Variants in AGAP4 observed in about 807,000 individuals in gnomAD.
The protein encoded by AGAP4 is ArfGAP with GTPase domain, ankyrin repeat and PH domain 4.
A neutral mutation model predicts 60.7 loss-of-function variants in AGAP4; 13 were observed. The observed-to-expected ratio is 0.21, with a 90% CI of 0.14 to 0.34. AGAP4 has a LOEUF of 0.34. AGAP4 is among the 10% of genes least tolerant of loss of function. The probability of loss-of-function intolerance (pLI) is 1.00; values close to 1 mark genes in which losing one functional copy is unlikely to be tolerated. For synonymous variants in AGAP4, 70 were observed against 339.0 expected, an observed-to-expected ratio of 0.21 and a Z score of 8.72; for missense variants, 169 against 884.0, an observed-to-expected ratio of 0.19 and a Z score of 10.26.
Position 45,839,354 on chromosome 10 carries a change from G to T in AGAP4, c.396+2299C>A, listed in dbSNP as rs1667887. On this transcript the variant is annotated intron_variant, in intron 4 of 7. Coordinates refer to ENST00000616763, the MANE Select transcript of AGAP4 (RefSeq NM_001276343.3). Reference sequence around the variant, plus strand: ...TGAAAAAAAAAAAAAAGCCAGCAAGGTCAGTTGCAAATCTCTAACTAGAGC... The same window carrying T: ...TGAAAAAAAAAAAAAAGCCAGCAAGTTCAGTTGCAAATCTCTAACTAGAGC... Among the ~76,000 whole-genome samples, 30 of 119,974 alleles carry T rather than the reference G, an allele frequency of 2.5e-4. 2 individuals are homozygous for T. In the East Asian group the frequency reaches 4.5e-3, roughly 18 times the overall value. The allele number at this position is 119,974 out of a possible 152,430, so 78.7% of individuals were successfully genotyped here. A position where few individuals can be genotyped will look rare whatever the true frequency, so the allele number is the denominator to read the frequency against.
intron 4 of AGAP4, chr10:45,841,425 A>C (rs1269156650): frequency 3.7e-5 from 16 of 433,280 alleles, no homozygotes; most frequent in Non-Finnish European, 5.5e-5. Context: ...TTTGAACCGG[A>C]CTATTGAAAT....
At chr10:45,829,630 T>C (rs1403927768) in intron 6 of AGAP4, among the ~76,000 whole-genome samples, 317 of 148,078 alleles carry the variant, frequency 2.1e-3, no homozygotes, top group South Asian at 5.5e-3. Context: ...GGTGAGAGGA[T>C]TGCTTGAGCT....
upstream of AGAP4, chr10:45,854,115 T>C: frequency 3.9e-6 from 1 of 256,792 alleles, no homozygotes; most frequent in Non-Finnish European, 7.0e-6. Context: ...GCAAAAATTC[T>C]GTCTTGATTA....
chr10:45,847,303 G>C lies in AGAP4; in HGVS notation c.45C>G (p.Leu15=), dbSNP rs1393979846. 22 of 1,596,968 alleles carry C rather than the reference G, an allele frequency of 1.4e-5. No homozygotes were observed. In the African/African-American group the frequency reaches 1.5e-4, roughly 11 times the overall value. Residue 15 remains leucine (L), a synonymous_variant, in exon 1 of 8, where the codon CTC becomes CTG. Transcript: ENST00000616763. The part of the protein sequence containing the change: ...LTCRVHPSVS[L]EFDQQQGSVC... ...CCGACCCCTGCTGCTGGTCAAACTCGAGGCTGACGCTAGGGTGCACACGAC... is the reference window on the plus strand; with the variant it reads ...CCGACCCCTGCTGCTGGTCAAACTCCAGGCTGACGCTAGGGTGCACACGAC...
At chr10:45,834,422 T>G (rs1242511898) in intron 4 of AGAP4, among the ~76,000 whole-genome samples, 1 of 141,838 alleles carries the variant, frequency 7.1e-6, no homozygotes, top group East Asian at 2.0e-4. Context: ...ACACCTGTAA[T>G]CCTAGCACTT....
upstream of AGAP4, among the ~76,000 whole-genome samples, chr10:45,849,227 A>AAAAAC (rs1300657067): frequency 5.9e-5 from 9 of 151,308 alleles, no homozygotes; most frequent in East Asian, 3.9e-4. Context: ...CTCCATCCCA[A>AAAAAC]AAAACAAAAC....
upstream of AGAP4, among the ~76,000 whole-genome samples, chr10:45,849,650 T>C (rs2059058246): frequency 1.3e-5 from 2 of 151,538 alleles, no homozygotes; most frequent in South Asian, 4.2e-4. Flanking sequence ...ACTATTTTTT[T>C]TTTTTTTGAG....
At chr10:45,852,626 T>C (rs1168347635) in intron 1 of AGAP4, among the ~76,000 whole-genome samples, 37 of 151,606 alleles carry the variant, frequency 2.4e-4, no homozygotes, top group African/African-American at 5.6e-4. Context: ...GGAGGGATGA[T>C]TCATATTTAA....
chr10:45,847,273 A>T lies in AGAP4; in HGVS notation c.75T>A (p.Cys25Ter), dbSNP rs2059015214. The T allele has an allele frequency of 6.3e-7, 1 of 1,597,778 alleles. No individual in the cohort carries two copies. The highest frequency in any genetic ancestry group is 1.3e-5 in the African/African-American group (1 of 74,762). ...LEFDQQQGSV[C>*]PSESEIYEAG... ...CCTCATAGATCTCAGATTCAGAGGG[A>T]CACACCGACCCCTGCTGCTGGTCAA... The change falls in exon 1 of 8, where the codon TGT (cysteine) becomes TGA (stop). Residue 25 changes from cysteine (C) to a stop codon, truncating the protein, a stop_gained. Transcript: ENST00000616763. LOFTEE classifies it high-confidence loss of function.
upstream of AGAP4, chr10:45,848,722 A>G (rs1372972639): frequency 6.6e-6 from 1 of 152,652 alleles, no homozygotes; most frequent in Non-Finnish European, 1.5e-5. Context: ...GATATAAAGA[A>G]ATACCTCAGG....
intron 6 of AGAP4, among the ~76,000 whole-genome samples, chr10:45,828,475 T>C (rs1398024909): frequency 6.7e-6 from 1 of 148,464 alleles, no homozygotes; most frequent in Non-Finnish European, 1.5e-5. Flanking sequence ...TAGTTCTCTG[T>C]AGTATACTCT....
At chr10:45,839,962 A>T (rs1268132824) in intron 4 of AGAP4, among the ~76,000 whole-genome samples, 2 of 150,642 alleles carry the variant, frequency 1.3e-5, no homozygotes, top group East Asian at 3.9e-4. Flanking sequence ...GGGAAAAATT[A>T]AAAATCAATG....
chr10:45,841,811 T>C lies in AGAP4; in HGVS notation c.362-124A>G, dbSNP rs2135954990. On this transcript the variant is annotated intron_variant, in intron 3 of 7. Coordinates refer to ENST00000616763, the MANE Select transcript of AGAP4 (RefSeq NM_001276343.3). ...ACAAAATTCCATTAAAAAAAAAATT[T>C]TCAATAACATATAATTTAAATTATC... is the stretch of plus-strand genomic sequence containing the variant. 1.2e-5 allele frequency: 14 copies of C among 1,132,000 alleles called. No homozygotes were observed. In the East Asian group the frequency reaches 3.9e-4, roughly 32 times the overall value. The allele number at this position is 1,132,000 out of a possible 1,614,324, so 70.1% of individuals were successfully genotyped here. A position where few individuals can be genotyped will look rare whatever the true frequency, so the allele number is the denominator to read the frequency against.
In AGAP4 at chr10:45,826,600, G is replaced by T. The variant is rs1554896317; in HGVS notation, c.1376C>A (p.Thr459Asn). ...CESSKSKSQLTSQSKAMALQS... is the reference protein window; with the variant it reads ...CESSKSKSQLNSQSKAMALQS... ...CAGGGCCATGGCCTTGCTCTGGCTG[G>T]TCAGCTGGGACTTGCTTTTACTGCT... The change falls in exon 8 of 8, where the codon ACC becomes AAC. Residue 459 changes from threonine to asparagine, a missense_variant. Physicochemically the swap from Thr to Asn is moderately conservative, Grantham distance 65. Transcript: ENST00000616763. 1 of 1,395,926 alleles carries T rather than the reference G, an allele frequency of 7.2e-7. No individual in the cohort carries two copies. The highest frequency in any genetic ancestry group is 1.8e-5 in the Admixed American group (1 of 55,664). 86.5% of individuals were successfully genotyped at this position (1,395,926 alleles called of 1,614,324 possible). A position where few individuals can be genotyped will look rare whatever the true frequency, so the allele number is the denominator to read the frequency against.
intron 6 of AGAP4, among the ~76,000 whole-genome samples, chr10:45,830,671 G>T (rs544388955): frequency 7.8e-6 from 1 of 127,872 alleles, no homozygotes; most frequent in Admixed American, 7.5e-5. Context: ...ATTTTTAGTA[G>T]AGACGGGGCT....
At position 45,831,907 on chromosome 10, in the gene AGAP4, T is replaced by A. The variant is rs2058737698; in HGVS notation, c.498-478A>T. The stretch of plus-strand genomic sequence containing the variant: ...AGTTTGTGCCACTATGCCCAGATAA[T>A]GTTTTTTTGGGGGGTGGGGTGGATG... On this transcript the variant is annotated intron_variant, in intron 5 of 7. Transcript: ENST00000616763. Among the ~76,000 whole-genome samples the A allele has an allele frequency of 3.4e-5, 5 of 148,130 alleles. No individual in the cohort carries two copies. The South Asian group carries it at 1.1e-3, about 33-fold the overall frequency.
rs1441307970 is a variant in AGAP4 at position 45,834,765 on chromosome 10, A to AATTAATTAAT, written c.397-659_397-650dup. Among the ~76,000 whole-genome samples, 34 of 133,170 alleles carry AATTAATTAAT rather than the reference A, an allele frequency of 2.6e-4. 2 individuals carry two copies. The highest frequency in any genetic ancestry group is 9.0e-4 in the African/African-American group (28 of 31,008). The allele number at this position is 133,170 out of a possible 152,430, so 87.4% of individuals were successfully genotyped here. A position where few individuals can be genotyped will look rare whatever the true frequency, so the allele number is the denominator to read the frequency against. ...TAAAAAGCAGCTGAGAATTTCTATTAATTAATTAATTTATTTATTTATTTT... is the reference window on the plus strand; with the variant it reads ...TAAAAAGCAGCTGAGAATTTCTATTAATTAATTAATATTAATTAATTTATTTATTTATTTT... On this transcript the variant is annotated intron_variant, in intron 4 of 7. Coordinates refer to ENST00000616763, the MANE Select transcript of AGAP4 (RefSeq NM_001276343.3).
chr10:45,847,478 C>G lies in AGAP4; in HGVS notation c.-131G>C. The G allele has an allele frequency of 2.0e-6, 3 of 1,530,114 alleles. No individual in the cohort carries two copies. The highest frequency in any genetic ancestry group is 1.2e-5 in the South Asian group (1 of 84,114). The allele number at this position is 1,530,114 out of a possible 1,614,324, so 94.8% of individuals were successfully genotyped here. On this transcript the variant is annotated 5_prime_UTR_variant, in exon 1 of 8. Transcript: ENST00000616763. ...TCCCGCTCCTCGCCTGCCCACCTCA[C>G]AGCGCGGCCCCGGGCACCAGCCCTG...
At chr10:45,829,854 C>A (rs61857368) in intron 6 of AGAP4, among the ~76,000 whole-genome samples, 1 of 149,426 alleles carries the variant, frequency 6.7e-6, no homozygotes, top group African/African-American at 2.4e-5. Context: ...TACTTAAAGG[C>A]GTGTTAAAGA....
Sources: allele counts gnomAD v4.1 joint callset (sites outside exome capture counted in the v4.1 genomes callset), GRCh38; gene constraint gnomAD v4.1.1; transcripts MANE v1.5; gene names NCBI Gene and HGNC (gene_info 2026-07-23, HGNC 2026-07-21).